TECRL: variants seen among roughly 807,000 people sequenced by gnomAD.
The protein encoded by TECRL is trans-2,3-enoyl-CoA reductase like.
In TECRL, 63 loss-of-function variants were observed where a neutral mutation model predicts 52.8. That is an observed-to-expected ratio of 1.19 (90% CI 0.97 to 1.47). The LOEUF (loss-of-function observed/expected upper bound fraction) is 1.47, where lower values mean the gene tolerates loss of function less well. TECRL is among the 40% of genes most tolerant of loss of function. The pLI is 0.00. For synonymous variants in TECRL, 164 were observed against 141.9 expected (o/e 1.16, Z -1.10); for missense variants, 482 against 429.6 (o/e 1.12, Z -1.08).
chr4:64,338,410 A>G (rs1294697724), intron 2 of TECRL, among the ~76,000 whole-genome samples: 2 of 152,246 alleles, frequency 1.3e-5, no homozygotes, highest in Non-Finnish European at 2.9e-5. Context: ...AGCAATGGCA[A>G]CAAAAGCCAA....
intron 1 of TECRL, among the ~76,000 whole-genome samples, chr4:64,391,665 TA>T (rs1355240046): frequency 2.0e-5 from 3 of 152,004 alleles, no homozygotes; most frequent in South Asian, 4.1e-4. Flanking sequence ...GAGATCCTAG[TA>T]TATAGTAGGT....
intron 7 of TECRL, among the ~76,000 whole-genome samples, chr4:64,303,851 C>A (rs943898612): frequency 1.3e-5 from 2 of 151,734 alleles, no homozygotes; most frequent in Non-Finnish European, 3.0e-5. Flanking sequence ...ACAAGATATT[C>A]ATTTTCCACT....
At chr4:64,352,173 C>T (rs796451379) in intron 2 of TECRL, among the ~76,000 whole-genome samples, 23 of 152,224 alleles carry the variant, frequency 1.5e-4, no homozygotes, top group African/African-American at 5.3e-4. Context: ...CAGTTTATTA[C>T]TTCAAATACC....
intron 2 of TECRL, among the ~76,000 whole-genome samples, chr4:64,369,681 TA>T (rs1291888182): frequency 6.6e-6 from 1 of 151,968 alleles, no homozygotes; most frequent in African/African-American, 2.4e-5. Flanking sequence ...GCAAGTTATA[TA>T]ATATTTCTTT....
chr4:64,404,263 T>C (rs1724565060), intron 1 of TECRL, among the ~76,000 whole-genome samples: 1 of 147,340 alleles, frequency 6.8e-6, no homozygotes, highest in South Asian at 2.2e-4. Context: ...GCTCTTGAGG[T>C]CAGGTTACTT....
chr4:64,380,933 G>A (rs1340281176), intron 1 of TECRL, among the ~76,000 whole-genome samples: 2 of 152,154 alleles, frequency 1.3e-5, no homozygotes, highest in African/African-American at 4.8e-5. Flanking sequence ...TGTAAAGAAC[G>A]TCATTGGTGT....
chr4:64,346,824 G>C (rs1171443125), intron 2 of TECRL, among the ~76,000 whole-genome samples: 1 of 152,214 alleles, frequency 6.6e-6, no homozygotes, highest in Non-Finnish European at 1.5e-5. Flanking sequence ...GTTTCTCCTA[G>C]TCTCCTGGAT....
intron 3 of TECRL, among the ~76,000 whole-genome samples, chr4:64,327,021 A>G (rs998297705): frequency 6.6e-5 from 10 of 152,100 alleles, no homozygotes; most frequent in African/African-American, 2.4e-4. Context: ...ATGCATTATA[A>G]ACATATAAAC....
At chr4:64,384,872 G>T (rs1012455274) in intron 1 of TECRL, among the ~76,000 whole-genome samples, 1 of 152,166 alleles carries the variant, frequency 6.6e-6, no homozygotes, top group Non-Finnish European at 1.5e-5. Flanking sequence ...GTCCCAGCTT[G>T]GGTGGGCCTG....
At chr4:64,408,922 A>G (rs1443757613) in intron 1 of TECRL, among the ~76,000 whole-genome samples, 196 bp downstream of exon 1, 3 of 152,134 alleles carry the variant, frequency 2.0e-5, no homozygotes, top group African/African-American at 7.2e-5. Context: ...ATTTAAATTG[A>G]GTATGAGAGA....
At chr4:64,308,331 T>C (rs1212486511) in intron 6 of TECRL, among the ~76,000 whole-genome samples, 1 of 152,142 alleles carries the variant, frequency 6.6e-6, no homozygotes, top group Non-Finnish European at 1.5e-5. Flanking sequence ...GCATACTAAA[T>C]TGATCCTGAT....
At chr4:64,379,324 TGTA>T (rs1372802847) in intron 1 of TECRL, among the ~76,000 whole-genome samples, 3 of 151,236 alleles carry the variant, frequency 2.0e-5, no homozygotes, top group Non-Finnish European at 2.9e-5. Context: ...CAACCCACCA[TGTA>T]GTCATATTTT....
intron 1 of TECRL, among the ~76,000 whole-genome samples, chr4:64,386,121 C>T (rs1407582824): frequency 6.6e-6 from 1 of 152,112 alleles, no homozygotes; most frequent in East Asian, 1.9e-4. Context: ...TCCCCAAAAG[C>T]TTGATTACTA....
Position 64,346,709 on chromosome 4 carries a change from G to A in TECRL, c.287-18153C>T, listed in dbSNP as rs188707238. On this transcript the variant is annotated intron_variant, in intron 2 of 11. Coordinates refer to ENST00000381210, the MANE Select transcript of TECRL (RefSeq NM_001010874.5). The stretch of plus-strand genomic sequence containing the variant: ...CAGACCTGTGACAGAAGCTGCTGCT[G>A]TGAAGGTCTCTGAGGTGCCCTGGAG... 3.3e-5 allele frequency among the ~76,000 whole-genome samples: 5 copies of A among 152,366 alleles called. No individual in the cohort carries two copies. In the East Asian group the frequency reaches 7.7e-4, roughly 24 times the overall value.
chr4:64,279,895 T>C lies in TECRL; in HGVS notation c.*177A>G. ...AGTTAATTGCATTTATAATTTATAC[T>C]TTTTATTACCATGTGCATTTCTCTA... On this transcript the variant is annotated 3_prime_UTR_variant, in exon 12 of 12. Transcript: ENST00000381210. The C allele has an allele frequency of 8.5e-7, 1 of 1,172,862 alleles. No individual in the cohort carries two copies. The highest frequency in any genetic ancestry group is 1.1e-6 in the Non-Finnish European group (1 of 948,070). The allele number at this position is 1,172,862 out of a possible 1,614,324, so 72.7% of individuals were successfully genotyped here.
At chr4:64,315,010 A>G (rs900016995) in intron 4 of TECRL, among the ~76,000 whole-genome samples, 3 of 152,154 alleles carry the variant, frequency 2.0e-5, no homozygotes, top group Non-Finnish European at 2.9e-5. Flanking sequence ...CTTCAGATAT[A>G]GTAAAAAGGA....
intron 2 of TECRL, among the ~76,000 whole-genome samples, chr4:64,347,639 C>A (rs1035181173): frequency 6.6e-6 from 1 of 151,976 alleles, no homozygotes; most frequent in Non-Finnish European, 1.5e-5. Flanking sequence ...ATAAAGCACA[C>A]GGGAAATTGC....
chr4:64,324,209 TA>T (rs908260304), intron 3 of TECRL, among the ~76,000 whole-genome samples: 6 of 152,078 alleles, frequency 3.9e-5, no homozygotes, highest in Admixed American at 1.3e-4. Context: ...GGAAGATATG[TA>T]AAAAAATATC....
intron 2 of TECRL, among the ~76,000 whole-genome samples, chr4:64,332,118 C>T (rs1417044531): frequency 2.6e-5 from 4 of 152,122 alleles, no homozygotes; most frequent in African/African-American, 9.7e-5. Flanking sequence ...TACCCTTAGC[C>T]ACATTCCCCT....
Sources: gnomAD v4.1 joint callset for allele counts (sites outside exome capture counted in the v4.1 genomes callset) on GRCh38, gnomAD v4.1.1 for gene constraint, MANE v1.5 for transcripts, NCBI Gene and HGNC (gene_info 2026-07-23, HGNC 2026-07-21) for gene names.